The following NDST4 variants were observed in gnomAD, a reference collection of about 807,000 sequenced individuals.
The protein encoded by NDST4 is N-deacetylase and N-sulfotransferase 4.
In NDST4, 63 loss-of-function variants were observed where a neutral mutation model predicts 100.8. That is an observed-to-expected ratio of 0.62 (90% CI 0.51 to 0.77). NDST4 has a LOEUF of 0.77. NDST4 is among the 30% of genes least tolerant of loss of function. NDST4 has a pLI of 0.00. For synonymous variants in NDST4, 377 were observed against 361.8 expected (o/e 1.04, Z -0.48); for missense variants, 943 against 1,018.4 (o/e 0.93, Z 1.01).
chr4:115,055,797 C>G (rs532104150), intron 2 of NDST4, among the ~76,000 whole-genome samples: 8 of 152,202 alleles, frequency 5.3e-5, no homozygotes, highest in Non-Finnish European at 1.0e-4. Context: ...GCAAGATATA[C>G]AAATGAGCCA....
chr4:114,977,043 T>C (rs1726650673), intron 3 of NDST4, 144 bp downstream of exon 3: 3 of 607,424 alleles, frequency 4.9e-6, no homozygotes, highest in Admixed American at 5.6e-5. Flanking sequence ...ATATGCTCAT[T>C]GATTTTGGAT....
chr4:114,870,607 A>T (rs1724127073), intron 7 of NDST4, among the ~76,000 whole-genome samples, 161 bp downstream of exon 7: 1 of 152,166 alleles, frequency 6.6e-6, no homozygotes, highest in African/African-American at 2.4e-5. Context: ...TTCATAAAAT[A>T]AGCAAAAATT....
chr4:115,016,409 C>G (rs1295368703), intron 2 of NDST4, among the ~76,000 whole-genome samples: 2 of 152,082 alleles, frequency 1.3e-5, no homozygotes, highest in African/African-American at 2.4e-5. Flanking sequence ...CAGTATTACT[C>G]CTAATGGCTC....
At chr4:115,045,640 T>C (rs886772242) in intron 2 of NDST4, among the ~76,000 whole-genome samples, 3 of 152,276 alleles carry the variant, frequency 2.0e-5, no homozygotes, top group South Asian at 4.1e-4. Context: ...CCTGGAGACC[T>C]TTTTCATTCT....
At chr4:114,917,146 A>G (rs1725190807) in intron 6 of NDST4, among the ~76,000 whole-genome samples, 1 of 152,202 alleles carries the variant, frequency 6.6e-6, no homozygotes, top group Admixed American at 6.5e-5. Flanking sequence ...TCTCTAGATT[A>G]CTTATAATAC....
In NDST4 at chr4:115,076,243, C is replaced by T; in HGVS notation, c.794G>A (p.Gly265Glu). The change falls in exon 2 of 14, where the codon GGA (glycine) becomes GAA (glutamate). Residue 265 changes from glycine (G) to glutamate (E), a missense_variant. By Grantham distance (98) the Gly-to-Glu change is moderately conservative. Around this residue, in one of 2 missense-constraint regions of NDST4, gnomAD observed 417 missense variants for 384.2 expected, o/e 1.09. Transcript: ENST00000264363. ...TVIQDLGLHDGIQRVLFGNNL... is the reference protein window; with the variant it reads ...TVIQDLGLHDEIQRVLFGNNL... ...GTTGCCAAAAAGTACTCTCTGAATT[C>T]CATCATGAAGCCCCAGATCCTGAAT... The T allele has an allele frequency of 1.2e-6, 2 of 1,613,972 alleles. No homozygotes were observed. The highest frequency in any genetic ancestry group is 1.7e-6 in the Non-Finnish European group (2 of 1,179,936).
intron 1 of NDST4, among the ~76,000 whole-genome samples, chr4:115,090,833 T>C (rs1011332344): frequency 6.6e-6 from 1 of 152,092 alleles, no homozygotes; most frequent in East Asian, 1.9e-4. Context: ...GCTGTTGACA[T>C]CAGCGAAAGA....
intron 3 of NDST4, among the ~76,000 whole-genome samples, chr4:114,975,290 A>ATTTTT (rs150581247): frequency 0.012 from 1,802 of 152,194 alleles, 37 homozygotes; most frequent in African/African-American, 0.04. Context: ...AAAATGACAT[A>ATTTTT]TTTATGTGAA....
At chr4:115,037,270 A>T (rs72896787) in intron 2 of NDST4, among the ~76,000 whole-genome samples, 15,355 of 152,154 alleles carry the variant, frequency 0.1, 1,015 homozygotes, top group African/African-American at 0.18. Context: ...AAGCAAGACA[A>T]GTCAAGGTAA....
At chr4:114,899,684 T>G (rs1275241671) in intron 6 of NDST4, among the ~76,000 whole-genome samples, 2 of 152,208 alleles carry the variant, frequency 1.3e-5, no homozygotes, top group Non-Finnish European at 2.9e-5. Flanking sequence ...ATACTTGAAA[T>G]AAATTCCACT....
chr4:115,074,704 C>A (rs868513686), intron 2 of NDST4, among the ~76,000 whole-genome samples: 2 of 152,038 alleles, frequency 1.3e-5, no homozygotes, highest in African/African-American at 4.8e-5. Context: ...CTACTGCTTT[C>A]AATCATTTTG....
intron 2 of NDST4, among the ~76,000 whole-genome samples, chr4:115,045,808 A>G (rs1206186309): frequency 6.6e-6 from 1 of 152,128 alleles, no homozygotes; most frequent in East Asian, 1.9e-4. Flanking sequence ...ATCAAGTAGA[A>G]GGAAAAATTG....
intron 2 of NDST4, among the ~76,000 whole-genome samples, chr4:115,044,492 T>TC (rs1463701212): frequency 7.2e-5 from 11 of 151,894 alleles, no homozygotes; most frequent in Non-Finnish European, 1.5e-5. Context: ...GTGAAGAAGG[T>TC]CCTCCAGAGA....
intron 7 of NDST4, among the ~76,000 whole-genome samples, chr4:114,855,625 T>C (rs1723776766): frequency 6.6e-6 from 1 of 152,184 alleles, no homozygotes; most frequent in African/African-American, 2.4e-5. Flanking sequence ...TCTGTTTCAT[T>C]GGTCTATGTG....
intron 6 of NDST4, among the ~76,000 whole-genome samples, chr4:114,909,082 T>G (rs984889492): frequency 6.6e-6 from 1 of 152,298 alleles, no homozygotes; most frequent in East Asian, 1.9e-4. Flanking sequence ...AGTATGGTGA[T>G]TTCATCAAAA....
At chr4:115,073,760 T>A (rs1377741516) in intron 2 of NDST4, among the ~76,000 whole-genome samples, 2 of 151,910 alleles carry the variant, frequency 1.3e-5, no homozygotes, top group African/African-American at 4.8e-5. Context: ...TAACAATATA[T>A]CATATTCTTG....
intron 13 of NDST4, among the ~76,000 whole-genome samples, chr4:114,829,044 C>T (rs528846043): frequency 6.6e-6 from 1 of 152,156 alleles, no homozygotes; most frequent in African/African-American, 2.4e-5. Flanking sequence ...ATTTCTGAAA[C>T]CCTTTTGAAG....
intron 6 of NDST4, among the ~76,000 whole-genome samples, chr4:114,888,447 A>T (rs1433948225): frequency 6.6e-6 from 1 of 152,146 alleles, no homozygotes; most frequent in Non-Finnish European, 1.5e-5. Flanking sequence ...GGACAAGTGA[A>T]GTTTAAAAAT....
At chr4:114,981,465 T>A (rs951241640) in intron 2 of NDST4, among the ~76,000 whole-genome samples, 1 of 152,166 alleles carries the variant, frequency 6.6e-6, no homozygotes, top group Non-Finnish European at 1.5e-5. Flanking sequence ...CACTTCATCA[T>A]ATACTCCAGC....
Sources: gnomAD v4.1 joint callset for allele counts (sites outside exome capture counted in the v4.1 genomes callset) on GRCh38, gnomAD v4.1.1 for gene constraint, gnomAD v4.1.1 regional missense constraint, MANE v1.5 for transcripts, NCBI Gene and HGNC (gene_info 2026-07-23, HGNC 2026-07-21) for gene names.